Variants in ABTB3 observed in about 807,000 individuals in gnomAD.
ABTB3 encodes the protein ankyrin repeat and BTB domain containing 3.
the ABTB3 span, among the ~76,000 whole-genome samples, chr12:107,649,028 GGCAGTCTTCTCCCCTTAAGGTAGTGAGCT>G: frequency 6.6e-6 from 1 of 152,120 alleles, no homozygotes; most frequent in African/African-American, 2.4e-5. Context: ...GTTCAAAATG[GGCAGTCTTCTCCCCTTAAGGTAGTGAGCT>G]CTTGGTCACT....
chr12:107,574,534 C>G, the ABTB3 span, among the ~76,000 whole-genome samples: 1 of 152,082 alleles, frequency 6.6e-6, no homozygotes, highest in African/African-American at 2.4e-5. Flanking sequence ...ACCAGCCTGG[C>G]CAACATAGTG....
At chr12:107,510,947 C>T in the ABTB3 span, among the ~76,000 whole-genome samples, 3 of 152,010 alleles carry the variant, frequency 2.0e-5, no homozygotes, top group Non-Finnish European at 4.4e-5. Context: ...AGAAAAGTCT[C>T]TCTGAGAAGG....
chr12:107,563,244 G>T, the ABTB3 span, among the ~76,000 whole-genome samples: 1 of 152,128 alleles, frequency 6.6e-6, no homozygotes, highest in South Asian at 2.1e-4. Flanking sequence ...AGTAAAGTGG[G>T]AAAACCACCA....
chr12:107,518,706 C>A, the ABTB3 span, among the ~76,000 whole-genome samples: 1 of 152,176 alleles, frequency 6.6e-6, no homozygotes, highest in East Asian at 1.9e-4. Context: ...ACATATGTAA[C>A]AAACCTGCAC....
chr12:107,544,243 C>A, the ABTB3 span: 1 of 1,254,088 alleles, frequency 8.0e-7, no homozygotes, highest in South Asian at 1.5e-5. Flanking sequence ...GACTCACTTC[C>A]TAAAACTTGC....
At chr12:107,562,335 G>A in the ABTB3 span, among the ~76,000 whole-genome samples, 1 of 152,232 alleles carries the variant, frequency 6.6e-6, no homozygotes, top group African/African-American at 2.4e-5. Flanking sequence ...TGCTATTTTA[G>A]GTAGAGTGGT....
chr12:107,511,941 T>A, the ABTB3 span, among the ~76,000 whole-genome samples: 2 of 152,170 alleles, frequency 1.3e-5, no homozygotes, highest in East Asian at 1.9e-4. Flanking sequence ...CAAAGCTTTT[T>A]TAAACTCTGG....
chr12:107,402,742 T>C, the ABTB3 span, among the ~76,000 whole-genome samples: 1 of 152,198 alleles, frequency 6.6e-6, no homozygotes, highest in Non-Finnish European at 1.5e-5. Context: ...TCTCCTCACC[T>C]GAAGCCAGGC....
the ABTB3 span, among the ~76,000 whole-genome samples, chr12:107,603,164 G>A: frequency 2.6e-5 from 4 of 152,198 alleles, no homozygotes; most frequent in African/African-American, 9.7e-5. Context: ...GGTTTACAGT[G>A]GTGGAGATCC....
the ABTB3 span, among the ~76,000 whole-genome samples, chr12:107,415,205 A>T: frequency 6.6e-6 from 1 of 151,966 alleles, no homozygotes. Flanking sequence ...CTTCAGAAGG[A>T]CCTTCCATGG....
At chr12:107,559,061 G>A in the ABTB3 span, among the ~76,000 whole-genome samples, 5 of 152,196 alleles carry the variant, frequency 3.3e-5, no homozygotes, top group African/African-American at 1.2e-4. Context: ...CTTTCTGACA[G>A]CCAGACAAGG....
chr12:107,440,042 G>T, the ABTB3 span, among the ~76,000 whole-genome samples: 1 of 152,170 alleles, frequency 6.6e-6, no homozygotes, highest in Admixed American at 6.5e-5. Flanking sequence ...AGGCTATACT[G>T]GTTATTAGAA....
the ABTB3 span, among the ~76,000 whole-genome samples, chr12:107,360,822 T>C: frequency 1.3e-5 from 2 of 152,064 alleles, no homozygotes; most frequent in African/African-American, 2.4e-5. Flanking sequence ...GACATGATCA[T>C]GGCTTACTAC....
the ABTB3 span, among the ~76,000 whole-genome samples, chr12:107,323,133 G>GA: frequency 6.6e-6 from 1 of 152,148 alleles, no homozygotes; most frequent in Non-Finnish European, 1.5e-5. Flanking sequence ...ATCTTTGCAA[G>GA]TTTTTCTACT....
chr12:107,554,964 A>G, the ABTB3 span, among the ~76,000 whole-genome samples: 3 of 152,080 alleles, frequency 2.0e-5, no homozygotes, highest in Non-Finnish European at 2.9e-5. Context: ...TGGGGGCTGG[A>G]GTGAGCCTTG....
At chr12:107,558,502 G>A in the ABTB3 span, among the ~76,000 whole-genome samples, 1 of 152,176 alleles carries the variant, frequency 6.6e-6, no homozygotes, top group Non-Finnish European at 1.5e-5. Flanking sequence ...TTTGTCTGCA[G>A]GTGTCATGGG....
the ABTB3 span, among the ~76,000 whole-genome samples, chr12:107,448,834 G>C: frequency 6.6e-6 from 1 of 152,096 alleles, no homozygotes; most frequent in African/African-American, 2.4e-5. Flanking sequence ...TCCTCCCAAA[G>C]TGCTGGGATT....
the ABTB3 span, among the ~76,000 whole-genome samples, chr12:107,441,270 C>G: frequency 6.6e-6 from 1 of 152,184 alleles, no homozygotes; most frequent in Non-Finnish European, 1.5e-5. Flanking sequence ...CCATGGAATA[C>G]TATGCAGCCA....
the ABTB3 span, among the ~76,000 whole-genome samples, chr12:107,399,231 G>A: frequency 6.6e-6 from 1 of 152,112 alleles, no homozygotes; most frequent in Non-Finnish European, 1.5e-5. Context: ...GGAATGCAGC[G>A]GTACCCACTG....
Sources: allele counts gnomAD v4.1 joint callset (sites outside exome capture counted in the v4.1 genomes callset), GRCh38; gene constraint gnomAD v4.1.1; transcripts MANE v1.5; gene names NCBI Gene and HGNC (gene_info 2026-07-23, HGNC 2026-07-21).